DLG4: variants seen among roughly 807,000 people sequenced by gnomAD.
The protein encoded by DLG4 is disks large homolog 4.
A neutral mutation model predicts 93.8 loss-of-function variants in DLG4; 7 were observed. The observed-to-expected ratio is 0.07, with a 90% CI of 0.04 to 0.14. DLG4 has a LOEUF of 0.14. Among genes scored for constraint, DLG4 ranks in the 10% least tolerant of loss-of-function variants. The probability of loss-of-function intolerance (pLI) is 1.00; values close to 1 mark genes in which losing one functional copy is unlikely to be tolerated. For synonymous variants in DLG4, 341 were observed against 387.6 expected (o/e 0.88, Z 1.41); for missense variants, 545 against 992.9 (o/e 0.55, Z 6.06).
intron 1 of DLG4, among the ~76,000 whole-genome samples, chr17:7,216,241 CCT>C (rs1451493799): frequency 3.3e-5 from 5 of 152,168 alleles, no homozygotes; most frequent in Non-Finnish European, 7.4e-5. Context: ...TGCTCTTCTC[CCT>C]CTCTCTTGAT....
At chr17:7,192,059 A>C in intron 17 of DLG4, 57 bp from the exon 18 acceptor site, 1 of 1,031,554 alleles carries the variant, frequency 9.7e-7, no homozygotes, top group Non-Finnish European at 1.4e-6. Flanking sequence ...AAGGACAGAG[A>C]GCAGTGCCGG....
rs1376127311 is a variant in DLG4 at position 7,203,070 on chromosome 17, TCAGA to T, written c.643-27_643-24del. ...GACCTGGAGTCAAGGAAAGCAAAGC[TCAGA>T]CAAAGCCACAAATGGCCCAAGACAG... On this transcript the variant is annotated intron_variant, in intron 7 of 19. Coordinates refer to ENST00000399506, the MANE Select transcript of DLG4 (RefSeq NM_001321075.3). This position sits in a 1 kb window ranked among gnomAD's most constrained non-coding sequence, Gnocchi z 7.2. 9 of 1,592,580 alleles carry T rather than the reference TCAGA, an allele frequency of 5.7e-6. No homozygotes were observed. In the African/African-American group the frequency reaches 6.7e-5, roughly 12 times the overall value.
upstream of DLG4, chr17:7,219,062 T>C: frequency 1.7e-6 from 1 of 605,848 alleles, no homozygotes; most frequent in Non-Finnish European, 2.9e-6. Flanking sequence ...AGCCACGCTC[T>C]CCTGAGAAGC....
At position 7,203,298 on chromosome 17, in the gene DLG4, C is replaced by G; in HGVS notation, c.537G>C (p.Gly179=). The G allele has an allele frequency of 6.2e-7, 1 of 1,605,490 alleles. No individual in the cohort carries two copies. Among genetic ancestry groups the G allele is most frequent in the East Asian group, 2.2e-5 (1 of 44,598 alleles). Residue 179 remains glycine, a synonymous_variant, in exon 7 of 20, where the codon GGG becomes GGC. Coordinates refer to ENST00000399506, the MANE Select transcript of DLG4 (RefSeq NM_001321075.3). The surrounding 1 kb of genome is among the most constrained non-coding windows in gnomAD (Gnocchi z 7.2). The part of the protein sequence containing the change: ...GLGFSIAGGV[G]NQHIPGDNSI... ...TATTATCTCCTGGGATGTGCTGGTT[C>G]CCTACGCCCCCTGCGATGCTGAAGC...
At chr17:7,206,572 C>T (rs1357276595) in intron 2 of DLG4, among the ~76,000 whole-genome samples, 1 of 152,076 alleles carries the variant, frequency 6.6e-6, no homozygotes, top group Non-Finnish European at 1.5e-5. Context: ...CTGCCTTGCA[C>T]AAAGCATCTC....
rs1428915772 is a variant in DLG4 at position 7,188,794 on chromosome 17, C to T, written c.*1914G>A. The stretch of plus-strand genomic sequence containing the variant: ...TTTCCTACCCTCATTATTTACAAAG[C>T]TGCCTCAGATCTTTCCCATAGAGAT... On this transcript the variant is annotated 3_prime_UTR_variant, in exon 20 of 20. Transcript: ENST00000399506. 6.6e-6 allele frequency among the ~76,000 whole-genome samples: 1 copy of T among 152,126 alleles called. No homozygotes were observed. The highest frequency in any genetic ancestry group is 1.5e-5 in the Non-Finnish European group (1 of 68,038).
At chr17:7,210,943 G>A (rs769314351) in intron 1 of DLG4, among the ~76,000 whole-genome samples, 37 of 152,134 alleles carry the variant, frequency 2.4e-4, no homozygotes, top group Non-Finnish European at 4.6e-4. Flanking sequence ...CCCCCATGGA[G>A]GGAGGGTGGT....
At chr17:7,218,089 G>C (rs1450812642), upstream of DLG4, among the ~76,000 whole-genome samples, 2 of 152,020 alleles carry the variant, frequency 1.3e-5, no homozygotes, top group East Asian at 3.9e-4. Flanking sequence ...ACCACAGAGA[G>C]TGCATTCTCG....
In DLG4 at chr17:7,192,267, G is replaced by A. The variant is rs2069542766; in HGVS notation, c.1867-265C>T. The A allele has an allele frequency of 9.8e-6, 4 of 409,502 alleles. No homozygotes were observed. The South Asian group carries it at 2.4e-4, about 25-fold the overall frequency. 25.4% of individuals were successfully genotyped at this position (409,502 alleles called of 1,614,324 possible). ...GAATGGAGGAAGGGAGGAGCACCAG[G>A]CAGGCAGGGACCCAAGAGATGGTGG... On this transcript the variant is annotated intron_variant, in intron 17 of 19. Coordinates refer to ENST00000399506, the MANE Select transcript of DLG4 (RefSeq NM_001321075.3).
intron 2 of DLG4, chr17:7,205,021 AG>A: frequency 1.0e-6 from 1 of 985,212 alleles, no homozygotes; most frequent in East Asian, 1.1e-4. Flanking sequence ...TGAGCGCAGA[AG>A]GGATCCGCTA....
Position 7,196,177 on chromosome 17 carries a change from G to T in DLG4, c.1301+43C>A, listed in dbSNP as rs766840804. On this transcript the variant is annotated intron_variant, in intron 11 of 19. Transcript: ENST00000399506. The surrounding 1 kb of genome is among the most constrained non-coding windows in gnomAD (Gnocchi z 8.3). ...CCCGGGCCAGGCACAGAGTGCCCAG[G>T]AACGCAGAGGGGCTGAGGAGTCCAG... 2.7e-6 allele frequency: 4 copies of T among 1,495,626 alleles called. No individual in the cohort carries two copies. The highest frequency in any genetic ancestry group is 3.7e-6 in the Non-Finnish European group (4 of 1,083,468). The allele number at this position is 1,495,626 out of a possible 1,614,324, so 92.6% of individuals were successfully genotyped here.
In DLG4 at chr17:7,191,721, G is replaced by C. The variant is rs745932806; in HGVS notation, c.1976+172C>G. The C allele has an allele frequency of 1.8e-6, 1 of 567,486 alleles. No individual in the cohort carries two copies. Among genetic ancestry groups the C allele is most frequent in the South Asian group, 2.9e-5 (1 of 34,304 alleles). The allele number at this position is 567,486 out of a possible 1,614,324, so 35.2% of individuals were successfully genotyped here. A position where few individuals can be genotyped will look rare whatever the true frequency, so the allele number is the denominator to read the frequency against. ...AGTCCTGTCTAGCCAAGGCAGGAGA[G>C]GAGGGGAAAGACCCGATTCCCCCAC... On this transcript the variant is annotated intron_variant, in intron 18 of 19. Transcript: ENST00000399506. This position sits in a 1 kb window ranked among gnomAD's most constrained non-coding sequence, Gnocchi z 6.6.
chr17:7,208,036 G>T lies in DLG4; in HGVS notation c.96+138C>A. 4 of 1,267,372 alleles carry T rather than the reference G, an allele frequency of 3.2e-6. No individual in the cohort carries two copies. Among genetic ancestry groups the T allele is most frequent in the African/African-American group, 1.5e-5 (1 of 65,424 alleles). 78.5% of individuals were successfully genotyped at this position (1,267,372 alleles called of 1,614,324 possible). Reference sequence around the variant, plus strand: ...GGGATTGCTGCAGCTCCGAGGCTCCGAGGGCCGCACTGGGGAGGGGGCCAC... The same window carrying T: ...GGGATTGCTGCAGCTCCGAGGCTCCTAGGGCCGCACTGGGGAGGGGGCCAC... On this transcript the variant is annotated intron_variant, in intron 2 of 19. Transcript: ENST00000399506. The surrounding 1 kb of genome is among the most constrained non-coding windows in gnomAD (Gnocchi z 5.4).
chr17:7,207,095 G>T (rs1219558950), intron 2 of DLG4, among the ~76,000 whole-genome samples: 4 of 152,058 alleles, frequency 2.6e-5, no homozygotes, highest in African/African-American at 9.7e-5. Flanking sequence ...ACAGGTGGTG[G>T]GGGATGATGG....
chr17:7,214,567 C>G (rs1165444289), intron 1 of DLG4, among the ~76,000 whole-genome samples: 1 of 152,224 alleles, frequency 6.6e-6, no homozygotes, highest in Non-Finnish European at 1.5e-5. Flanking sequence ...TAAGGACCAC[C>G]CGGAGGGTTT....
In DLG4 at chr17:7,204,427, G is replaced by A. The variant is rs1342160998; in HGVS notation, c.97-175C>T. 1.4e-5 allele frequency: 9 copies of A among 626,162 alleles called. No homozygotes were observed. The East Asian group carries it at 1.9e-4, about 13-fold the overall frequency. 38.8% of individuals were successfully genotyped at this position (626,162 alleles called of 1,614,324 possible). A position where few individuals can be genotyped will look rare whatever the true frequency, so the allele number is the denominator to read the frequency against. On this transcript the variant is annotated intron_variant, in intron 2 of 19. Transcript: ENST00000399506. ...ATCCACATCACACACACGCACACGC[G>A]TGCACATGCGCACGCGCACACACAC...
At chr17:7,201,062 C>G (rs1438983878) in intron 8 of DLG4, among the ~76,000 whole-genome samples, 1 of 151,962 alleles carries the variant, frequency 6.6e-6, no homozygotes, top group Non-Finnish European at 1.5e-5. Flanking sequence ...CAGCGTTTCT[C>G]CATGTTGGCC....
At chr17:7,213,658 C>T (rs1005700825) in intron 1 of DLG4, 14 of 431,210 alleles carry the variant, frequency 3.2e-5, no homozygotes, top group African/African-American at 2.5e-4. Context: ...AACAACTTAA[C>T]CTGAAAGCCT....
At chr17:7,214,790 A>C (rs999919959) in intron 1 of DLG4, among the ~76,000 whole-genome samples, 1 of 152,244 alleles carries the variant, frequency 6.6e-6, no homozygotes, top group Non-Finnish European at 1.5e-5. Context: ...AGATGCTCAG[A>C]GACGAGAGAT....
Sources: gnomAD v4.1 joint callset for allele counts (sites outside exome capture counted in the v4.1 genomes callset) on GRCh38, gnomAD v4.1.1 for gene constraint, Gnocchi (gnomAD v3.1) non-coding constraint, MANE v1.5 for transcripts, NCBI Gene and HGNC (gene_info 2026-07-23, HGNC 2026-07-21) for gene names.